CTNNA2: variants seen among roughly 807,000 people sequenced by gnomAD.
The protein encoded by CTNNA2 is catenin alpha 2.
In CTNNA2, 42 loss-of-function variants were observed where a neutral mutation model predicts 101.0. That is an observed-to-expected ratio of 0.42 (90% CI 0.32 to 0.54). The LOEUF is 0.54. CTNNA2 is among the 20% of genes least tolerant of loss of function. CTNNA2 has a pLI of 0.14. For synonymous variants in CTNNA2, 450 were observed against 456.4 expected (o/e 0.99, Z 0.18); for missense variants, 871 against 1,223.1 (o/e 0.71, Z 4.29).
intron 9 of CTNNA2, among the ~76,000 whole-genome samples, chr2:80,491,863 G>A (rs1055668108): frequency 2.0e-5 from 3 of 152,094 alleles, no homozygotes; most frequent in African/African-American, 7.2e-5. Flanking sequence ...TGGTTTTGTT[G>A]CCTGTGTTCA....
intron 9 of CTNNA2, among the ~76,000 whole-genome samples, chr2:80,522,403 A>G (rs1046240370): frequency 3.3e-5 from 5 of 152,202 alleles, no homozygotes; most frequent in Admixed American, 3.3e-4. Context: ...AATAGATTGC[A>G]TTTAATTTCA....
At chr2:79,995,081 G>A (rs1574495142) in intron 7 of CTNNA2, among the ~76,000 whole-genome samples, 1 of 152,176 alleles carries the variant, frequency 6.6e-6, no homozygotes, top group East Asian at 1.9e-4. Context: ...ACTAACTACT[G>A]CAGTTTTAGA....
intron 9 of CTNNA2, among the ~76,000 whole-genome samples, chr2:80,502,172 C>G (rs1687927939): frequency 6.6e-6 from 1 of 152,192 alleles, no homozygotes; most frequent in East Asian, 1.9e-4. Context: ...CCTCCTCACA[C>G]ACATCTGCTT....
At chr2:79,514,423 G>T (rs1041239852) in intron 1 of CTNNA2, among the ~76,000 whole-genome samples, 5 of 152,164 alleles carry the variant, frequency 3.3e-5, no homozygotes, top group African/African-American at 1.2e-4. Context: ...TCTGTTTGTG[G>T]CTTACACCAA....
chr2:79,982,242 G>GTA (rs1691364351), intron 7 of CTNNA2, among the ~76,000 whole-genome samples: 1 of 56,806 alleles, frequency 1.8e-5, no homozygotes, highest in East Asian at 7.1e-4. Flanking sequence ...ATATATATAT[G>GTA]TATGTATATG....
At chr2:80,501,305 A>G (rs1219732575) in intron 9 of CTNNA2, among the ~76,000 whole-genome samples, 1 of 152,220 alleles carries the variant, frequency 6.6e-6, no homozygotes, top group Non-Finnish European at 1.5e-5. Flanking sequence ...AAAATATATC[A>G]CCGTAACTCT....
intron 3 of CTNNA2, among the ~76,000 whole-genome samples, chr2:79,790,468 A>G (rs1206140000): frequency 6.6e-6 from 1 of 152,184 alleles, no homozygotes; most frequent in Non-Finnish European, 1.5e-5. Context: ...GAGTAGGTGT[A>G]GAGGTAAATG....
chr2:80,359,788 A>G (rs936016628), intron 7 of CTNNA2, among the ~76,000 whole-genome samples: 10 of 152,274 alleles, frequency 6.6e-5, no homozygotes, highest in African/African-American at 2.2e-4. Flanking sequence ...CTTAATTATT[A>G]TAGCTTTTCA....
At chr2:80,152,724 A>T (rs2148930632) in intron 7 of CTNNA2, among the ~76,000 whole-genome samples, 1 of 151,890 alleles carries the variant, frequency 6.6e-6, no homozygotes, top group African/African-American at 2.4e-5. Flanking sequence ...ATTCAGAAAA[A>T]TTTTCTCACT....
intron 2 of CTNNA2, among the ~76,000 whole-genome samples, chr2:79,288,870 T>G (rs146043702): frequency 1.3e-5 from 2 of 152,350 alleles, no homozygotes; most frequent in African/African-American, 4.8e-5. Context: ...TCTTCTTTAA[T>G]GAGACACATC....
At chr2:79,745,241 GGC>G (rs1671559409) in intron 3 of CTNNA2, among the ~76,000 whole-genome samples, 1 of 152,026 alleles carries the variant, frequency 6.6e-6, no homozygotes, top group Non-Finnish European at 1.5e-5. Flanking sequence ...GACCAGCCTG[GGC>G]AACACGGTGA....
At chr2:79,566,238 A>G (rs1675104752) in intron 1 of CTNNA2, among the ~76,000 whole-genome samples, 1 of 152,190 alleles carries the variant, frequency 6.6e-6, no homozygotes, top group Admixed American at 6.5e-5. Context: ...TGAAAAAGTT[A>G]CCACCATTAA....
intron 2 of CTNNA2, among the ~76,000 whole-genome samples, chr2:79,294,700 C>T (rs1675932762): frequency 6.6e-6 from 1 of 152,044 alleles, no homozygotes; most frequent in African/African-American, 2.4e-5. Context: ...TTCATTTTAT[C>T]TTTTCTTATT....
intron 7 of CTNNA2, among the ~76,000 whole-genome samples, chr2:79,925,189 A>C (rs954354014): frequency 2.0e-5 from 3 of 152,094 alleles, no homozygotes; most frequent in Non-Finnish European, 1.5e-5. Flanking sequence ...GGTTACATTT[A>C]TCTTTTGTAC....
intron 3 of CTNNA2, among the ~76,000 whole-genome samples, chr2:79,749,506 G>T (rs1671868847): frequency 6.6e-6 from 1 of 152,098 alleles, no homozygotes; most frequent in Admixed American, 6.5e-5. Context: ...TGTGATATAT[G>T]CATATTATCT....
intron 7 of CTNNA2, among the ~76,000 whole-genome samples, chr2:80,096,008 T>C (rs1490859701): frequency 3.3e-5 from 5 of 152,100 alleles, no homozygotes; most frequent in Non-Finnish European, 7.4e-5. Context: ...TTTCCTTCAG[T>C]TCTGCTCTGA....
At chr2:79,370,514 C>G (rs1179848316) in intron 3 of CTNNA2, among the ~76,000 whole-genome samples, 1 of 152,140 alleles carries the variant, frequency 6.6e-6, no homozygotes, top group Non-Finnish European at 1.5e-5. Context: ...CTGCCTCTAG[C>G]TCTATGCTAG....
intron 7 of CTNNA2, among the ~76,000 whole-genome samples, chr2:80,023,250 T>C (rs577883557): frequency 2.8e-4 from 42 of 152,340 alleles, no homozygotes; most frequent in Admixed American, 8.5e-4. Flanking sequence ...GTTTCTAATA[T>C]TCTGAGTGAG....
chr2:79,240,703 G>A (rs1674615624), intron 2 of CTNNA2, among the ~76,000 whole-genome samples: 1 of 152,150 alleles, frequency 6.6e-6, no homozygotes, highest in Non-Finnish European at 1.5e-5. Flanking sequence ...CTTGGTAACT[G>A]GCTGGAAGAT....
Sources: gnomAD v4.1 joint callset for allele counts (sites outside exome capture counted in the v4.1 genomes callset) on GRCh38, gnomAD v4.1.1 for gene constraint, MANE v1.5 for transcripts, NCBI Gene and HGNC (gene_info 2026-07-23, HGNC 2026-07-21) for gene names.